LRRC42: variants seen among roughly 807,000 people sequenced by gnomAD.
LRRC42 encodes leucine rich repeat containing 42, also known as leucine-rich repeat-containing protein 42.
LRRC42 carries 43 observed loss-of-function variants against 44.3 expected under a neutral mutation model. That is an observed-to-expected ratio of 0.97 (90% confidence interval 0.76 to 1.25). The LOEUF is 1.25. Among genes scored for constraint, LRRC42 ranks in the 50% most tolerant of loss-of-function variants. The pLI is 0.00. For synonymous variants in LRRC42, 207 were observed against 195.2 expected (o/e 1.06, Z -0.50); for missense variants, 540 against 509.1 (o/e 1.06, Z -0.58).
Position 53,960,231 on chromosome 1 carries a change from G to A in LRRC42, c.606-125G>A, listed in dbSNP as rs964753576. ...AGCTTAACTTTGTTAAATGCATTGG[G>A]TATGAAATAGCAAGAGGTAGAGGAT... On this transcript the variant is annotated intron_variant, in intron 4 of 8. Coordinates refer to ENST00000371370, the MANE Select transcript of LRRC42 (RefSeq NM_001256409.2). 1.5e-5 allele frequency: 10 copies of A among 675,428 alleles called. No individual in the cohort carries two copies. In the Admixed American group the frequency reaches 2.2e-4, roughly 15 times the overall value. 41.8% of individuals were successfully genotyped at this position (675,428 alleles called of 1,614,324 possible).
intron 3 of LRRC42, among the ~76,000 whole-genome samples, chr1:53,953,935 G>A (rs895854821): frequency 6.6e-6 from 1 of 151,702 alleles, no homozygotes; most frequent in African/African-American, 2.4e-5. Context: ...GTTTCACCAC[G>A]TTGGCCAGGC....
intron 7 of LRRC42, among the ~76,000 whole-genome samples, chr1:53,964,617 C>A (rs1040259462): frequency 1.3e-5 from 2 of 152,158 alleles, no homozygotes; most frequent in Admixed American, 6.5e-5. Flanking sequence ...AATCTGTTCC[C>A]ATTTTTATAA....
chr1:53,960,245 G>T, intron 4 of LRRC42, 111 bp from the exon 5 acceptor site: 1 of 744,742 alleles, frequency 1.3e-6, no homozygotes, highest in South Asian at 1.8e-5. Flanking sequence ...GAAATAGCAA[G>T]AGGTAGAGGA....
At position 53,962,098 on chromosome 1, in the gene LRRC42, A is replaced by C. The variant is rs2100929513; in HGVS notation, c.789A>C (p.Leu263Phe). 6.2e-7 allele frequency: 1 copy of C among 1,613,884 alleles called. No homozygotes were observed. The highest frequency in any genetic ancestry group is 1.1e-5 in the South Asian group (1 of 91,072). ...TTTCTTTTAGGAAACTAAACTGCTT[A>C]GATATCTCTGGGACAGGGCTCAAGG... Reference protein sequence around the residue: ...YLFSFRKLNCLDISGTGLKDI... With the variant: ...YLFSFRKLNCFDISGTGLKDI... Residue 263 changes from leucine to phenylalanine, a missense_variant, in exon 6 of 9, where the codon TTA becomes TTC. Transcript: ENST00000371370.
At chr1:53,961,265 G>A (rs530699735) in intron 5 of LRRC42, among the ~76,000 whole-genome samples, 1 of 152,162 alleles carries the variant, frequency 6.6e-6, no homozygotes, top group Non-Finnish European at 1.5e-5. Flanking sequence ...CAAAAAATCA[G>A]CTGGGCGTGG....
At position 53,968,043 on chromosome 1, in the gene LRRC42, C is replaced by G; in HGVS notation, c.*104C>G. ...TGTTTGAATTTACCTATGGCATTAG[C>G]ATAGTAAGCAGATATTTCTACTTTT... On this transcript the variant is annotated 3_prime_UTR_variant, in exon 9 of 9. Transcript: ENST00000371370. The G allele has an allele frequency of 8.4e-7, 1 of 1,186,096 alleles. No individual in the cohort carries two copies. The highest frequency in any genetic ancestry group is 1.5e-5 in the South Asian group (1 of 66,364). The allele number at this position is 1,186,096 out of a possible 1,614,324, so 73.5% of individuals were successfully genotyped here.
At chr1:53,951,847 A>G (rs1654693209) in intron 2 of LRRC42, 139 bp from the exon 3 acceptor site, 2 of 664,864 alleles carry the variant, frequency 3.0e-6, no homozygotes, top group Admixed American at 2.9e-5. Context: ...TTCCCAGGCA[A>G]CTGGTGAGTT....
In LRRC42 at chr1:53,968,056, T is replaced by A. The variant is rs145146731; in HGVS notation, c.*117T>A. On this transcript the variant is annotated 3_prime_UTR_variant, in exon 9 of 9. Coordinates refer to ENST00000371370, the MANE Select transcript of LRRC42 (RefSeq NM_001256409.2). ...CTATGGCATTAGCATAGTAAGCAGA[T>A]ATTTCTACTTTTGTGGTGTGGGAGG... is the stretch of plus-strand genomic sequence containing the variant. 124 of 1,084,402 alleles carry A rather than the reference T, an allele frequency of 1.1e-4. No homozygotes were observed. In the African/African-American group the frequency reaches 1.7e-3, roughly 14 times the overall value. 67.2% of individuals were successfully genotyped at this position (1,084,402 alleles called of 1,614,324 possible). A position where few individuals can be genotyped will look rare whatever the true frequency, so the allele number is the denominator to read the frequency against.
rs79989263 is a variant in LRRC42, at chr1:53,951,120, C to T, written c.-14-866C>T. Among the ~76,000 whole-genome samples the T allele has an allele frequency of 9.2e-3, 1,408 of 152,254 alleles. 27 individuals carry two copies. Among genetic ancestry groups the T allele is most frequent in the African/African-American group, 0.032 (1,348 of 41,552 alleles). The stretch of plus-strand genomic sequence containing the variant: ...GAAACAAATAAATACAACAGTGCAC[C>T]GAGTGCAACCAAGAAGTGTGTGGAA... On this transcript the variant is annotated intron_variant, in intron 2 of 8. Coordinates refer to ENST00000371370, the MANE Select transcript of LRRC42 (RefSeq NM_001256409.2).
intron 3 of LRRC42, among the ~76,000 whole-genome samples, chr1:53,956,931 A>C (rs886360390): frequency 6.6e-6 from 1 of 152,218 alleles, no homozygotes; most frequent in Non-Finnish European, 1.5e-5. Flanking sequence ...AGCTTTATTT[A>C]CAATGCAATT....
chr1:53,950,629 T>C (rs527784919), intron 2 of LRRC42, among the ~76,000 whole-genome samples: 35 of 152,360 alleles, frequency 2.3e-4, no homozygotes, highest in African/African-American at 8.2e-4. Context: ...CAGGCATGTA[T>C]GATATTCTAC....
chr1:53,949,083 A>C (rs753662443), intron 2 of LRRC42, among the ~76,000 whole-genome samples: 1 of 152,214 alleles, frequency 6.6e-6, no homozygotes, highest in South Asian at 2.1e-4. Context: ...TGGGTAATCT[A>C]AAGAAAAACA....
At chr1:53,964,334 G>C (rs919971912) in intron 7 of LRRC42, among the ~76,000 whole-genome samples, 1 of 151,962 alleles carries the variant, frequency 6.6e-6, no homozygotes, top group Non-Finnish European at 1.5e-5. Flanking sequence ...ACACTCCCCA[G>C]GTGCTCTTTC....
chr1:53,964,195 G>A (rs1345584124), intron 7 of LRRC42, among the ~76,000 whole-genome samples: 3 of 151,962 alleles, frequency 2.0e-5, no homozygotes, highest in Admixed American at 1.3e-4. Context: ...CTTTCCTGCA[G>A]CATTCGATAG....
intron 2 of LRRC42, 23 bp downstream of exon 2, chr1:53,947,844 A>G (rs1654562495): frequency 6.6e-6 from 1 of 151,526 alleles, no homozygotes; most frequent in Non-Finnish European, 1.5e-5. Flanking sequence ...AATTTTTCAC[A>G]TTTTTTTTAT....
rs1368657070 is a variant in LRRC42, at chr1:53,968,082, G to A, written c.*143G>A. The A allele has an allele frequency of 5.3e-6, 4 of 752,122 alleles. No homozygotes were observed. Among genetic ancestry groups the A allele is most frequent in the African/African-American group, 3.5e-5 (2 of 56,830 alleles). The allele number at this position is 752,122 out of a possible 1,614,324, so 46.6% of individuals were successfully genotyped here. A position where few individuals can be genotyped will look rare whatever the true frequency, so the allele number is the denominator to read the frequency against. ...ATTTCTACTTTTGTGGTGTGGGAGG[G>A]GAATGCTATGGAAGTATGTAATAAT... is the stretch of plus-strand genomic sequence containing the variant. On this transcript the variant is annotated 3_prime_UTR_variant, in exon 9 of 9. Coordinates refer to ENST00000371370, the MANE Select transcript of LRRC42 (RefSeq NM_001256409.2).
chr1:53,961,032 A>T (rs933708030), intron 5 of LRRC42, among the ~76,000 whole-genome samples: 2 of 152,226 alleles, frequency 1.3e-5, no homozygotes, highest in African/African-American at 4.8e-5. Flanking sequence ...TTGGTCTACC[A>T]CTTTTACTAC....
At chr1:53,960,498 AT>A in intron 5 of LRRC42, 24 bp downstream of exon 5, 2 of 1,476,748 alleles carry the variant, frequency 1.4e-6, no homozygotes, top group Non-Finnish European at 1.9e-6. Flanking sequence ...GAAATTATAG[AT>A]TATTTTAATG....
intron 7 of LRRC42, among the ~76,000 whole-genome samples, chr1:53,965,249 T>C (rs1454046670): frequency 6.6e-6 from 1 of 151,962 alleles, no homozygotes; most frequent in Non-Finnish European, 1.5e-5. Context: ...CCTCTCAAAG[T>C]GCTGGGATTA....
Sources: allele counts gnomAD v4.1 joint callset (sites outside exome capture counted in the v4.1 genomes callset), GRCh38; gene constraint gnomAD v4.1.1; transcripts MANE v1.5; gene names NCBI Gene and HGNC (gene_info 2026-07-23, HGNC 2026-07-21).